The following VPS13D variants were observed in gnomAD, a reference collection of about 807,000 sequenced individuals.
VPS13D encodes intermembrane lipid transfer protein VPS13D.
Under a neutral mutation model 461.9 loss-of-function variants are expected in VPS13D, and 187 were observed. The ratio of observed to expected loss-of-function variants is 0.40; its 90% CI spans 0.36 to 0.46. The LOEUF (loss-of-function observed/expected upper bound fraction) is 0.46. Among genes scored for constraint, VPS13D ranks in the 20% least tolerant of loss-of-function variants. The pLI, the probability that VPS13D is intolerant of heterozygous loss-of-function variation, is 0.60. For missense variants in VPS13D, 4,711 were observed against 5,364.9 expected (o/e 0.88, Z 3.81); for synonymous variants, 1,951 against 1,986.3 (o/e 0.98, Z 0.47).
intron 67 of VPS13D, among the ~76,000 whole-genome samples, chr1:12,464,652 A>G (rs1342149463): frequency 6.6e-6 from 1 of 151,996 alleles, no homozygotes; most frequent in Non-Finnish European, 1.5e-5. Context: ...TCCAAGCGAC[A>G]GCCACCTAAC....
chr1:12,391,043 T>G (rs1199337084), intron 60 of VPS13D, among the ~76,000 whole-genome samples: 3 of 152,214 alleles, frequency 2.0e-5, no homozygotes, highest in Non-Finnish European at 4.4e-5. Context: ...TTCCCAAATT[T>G]CTTTGTCACC....
At chr1:12,266,747 T>C (rs1557673838) in intron 13 of VPS13D, 134 bp from the exon 14 acceptor site, 5 of 865,102 alleles carry the variant, frequency 5.8e-6, no homozygotes, top group Non-Finnish European at 8.1e-6. Context: ...TAGGGTTTTT[T>C]TGTTTGTTTG....
At chr1:12,358,717 G>A in intron 50 of VPS13D, 116 bp downstream of exon 50, 1 of 1,322,438 alleles carries the variant, frequency 7.6e-7, no homozygotes, top group Non-Finnish European at 1.0e-6. Flanking sequence ...TTTCTTATTT[G>A]GCATTGGGTC....
At chr1:12,346,798 T>A in intron 44 of VPS13D, 146 bp downstream of exon 44, 1 of 789,102 alleles carries the variant, frequency 1.3e-6, no homozygotes, top group Admixed American at 3.6e-5. Flanking sequence ...TATTAATGAT[T>A]ACCTTCCTTT....
chr1:12,414,760 C>G lies in VPS13D; in HGVS notation c.12031-327C>G, dbSNP rs561209295. 1.2e-4 allele frequency among the ~76,000 whole-genome samples: 19 copies of G among 152,284 alleles called. No homozygotes were observed. The East Asian group carries it at 3.7e-3, about 29-fold the overall frequency. ...TTGAACTATACATTTGATTAGTATA[C>G]TTTTCTGTGTGTGTGGTTTACATCA... On this transcript the variant is annotated intron_variant, in intron 63 of 69. Coordinates refer to ENST00000620676, the MANE Select transcript of VPS13D (RefSeq NM_015378.4).
intron 67 of VPS13D, chr1:12,496,988 T>G (rs1302993762): frequency 1.3e-5 from 2 of 152,436 alleles, no homozygotes; most frequent in Non-Finnish European, 2.9e-5. Context: ...TCTCAAGGGT[T>G]GGTGTGTTCT....
chr1:12,416,622 T>C (rs751136286), intron 64 of VPS13D, 38 bp from the exon 65 acceptor site: 3 of 1,596,864 alleles, frequency 1.9e-6, no homozygotes, highest in Non-Finnish European at 2.6e-6. Flanking sequence ...TATAAGTAGA[T>C]GCTGATTGGA....
At chr1:12,355,651 A>C (rs1032989823) in intron 47 of VPS13D, among the ~76,000 whole-genome samples, 8 of 152,062 alleles carry the variant, frequency 5.3e-5, no homozygotes, top group African/African-American at 1.9e-4. Flanking sequence ...TTTATATCTA[A>C]TCATATGGGT....
chr1:12,262,273 C>T (rs962019153), intron 13 of VPS13D, among the ~76,000 whole-genome samples, 193 bp downstream of exon 13: 1 of 152,200 alleles, frequency 6.6e-6, no homozygotes, highest in African/African-American at 2.4e-5. Flanking sequence ...CATTCATCAA[C>T]TGATCAGTAC....
intron 67 of VPS13D, among the ~76,000 whole-genome samples, chr1:12,475,448 A>G (rs1645618029): frequency 6.6e-6 from 1 of 152,240 alleles, no homozygotes; most frequent in African/African-American, 2.4e-5. Flanking sequence ...GAAGCTGGAT[A>G]TTAGAATGAA....
chr1:12,271,059 C>T lies in VPS13D; in HGVS notation c.2038C>T (p.Leu680=). The change falls in exon 17 of 70, where the codon CTG becomes TTG. Residue 680 remains leucine, a synonymous_variant. Transcript: ENST00000620676. ...AGCTGCCCGAAGACAATATAACAAG[C>T]TGAAGATGCAGACCAAGGCAGAAAT... The part of the protein sequence containing the change: ...AEAARRQYNK[L]KMQTKAEIRQ... 2 of 1,613,998 alleles carry T rather than the reference C, an allele frequency of 1.2e-6. No homozygotes were observed. The highest frequency in any genetic ancestry group is 1.7e-6 in the Non-Finnish European group (2 of 1,179,974).
At chr1:12,401,003 C>CACACACAA (rs1244161521) in intron 61 of VPS13D, among the ~76,000 whole-genome samples, 1 of 150,678 alleles carries the variant, frequency 6.6e-6, no homozygotes, top group East Asian at 1.9e-4. Context: ...CACACACACA[C>CACACACAA]AATAACCCTG....
chr1:12,239,572 G>C (rs1640277501), intron 2 of VPS13D, among the ~76,000 whole-genome samples: 1 of 152,246 alleles, frequency 6.6e-6, no homozygotes, highest in Non-Finnish European at 1.5e-5. Flanking sequence ...GAAGGTAGAG[G>C]CTGCCAGTGC....
At chr1:12,324,323 A>G (rs774341124) in intron 35 of VPS13D, among the ~76,000 whole-genome samples, 5 of 152,158 alleles carry the variant, frequency 3.3e-5, no homozygotes, top group African/African-American at 7.2e-5. Context: ...CCTGACCAAC[A>G]TGGCGAAACC....
chr1:12,241,437 G>A (rs1295208058), intron 2 of VPS13D, among the ~76,000 whole-genome samples: 2 of 152,208 alleles, frequency 1.3e-5, no homozygotes, highest in East Asian at 1.9e-4. Flanking sequence ...CTCAAAAATT[G>A]CCTTGTGTCT....
intron 19 of VPS13D, among the ~76,000 whole-genome samples, chr1:12,278,293 G>A (rs1161879645): frequency 1.1e-4 from 17 of 151,942 alleles, no homozygotes; most frequent in Non-Finnish European, 1.5e-5. Context: ...TTTTTGAGAC[G>A]GAGTTTTGCT....
At chr1:12,313,299 CTTTTTTTTT>C (rs765170972) in intron 29 of VPS13D, among the ~76,000 whole-genome samples, 7 of 117,604 alleles carry the variant, frequency 6.0e-5, no homozygotes, top group African/African-American at 2.4e-4. Flanking sequence ...TTATTCTTTC[CTTTTTTTTT>C]TTTTTTTTTT....
chr1:12,385,297 A>G lies in VPS13D; in HGVS notation c.11408A>G (p.Tyr3803Cys). 1.2e-6 allele frequency: 2 copies of G among 1,614,020 alleles called. No individual in the cohort carries two copies. Among genetic ancestry groups the G allele is most frequent in the Non-Finnish European group, 1.7e-6 (2 of 1,179,902 alleles). ...TGCCACCGGAAAAGCAGCCGTTCAT[A>G]TGAAGTGGATGAACTTCCTGTCACC... ...DFCHRKSSRSYEVDELPVTEQ... is the reference protein window; with the variant it reads ...DFCHRKSSRSCEVDELPVTEQ... The change falls in exon 59 of 70, where the codon TAT (tyrosine) becomes TGT (cysteine). Residue 3803 changes from tyrosine to cysteine, a missense_variant. Tyr to Cys is a radical substitution (Grantham distance 194). This residue lies in a region of VPS13D where 4,411 missense variants were observed against 4,937.8 expected (regional missense o/e 0.89). Transcript: ENST00000620676.
At chr1:12,382,593 A>G (rs1220638584) in intron 57 of VPS13D, among the ~76,000 whole-genome samples, 1 of 152,144 alleles carries the variant, frequency 6.6e-6, no homozygotes, top group African/African-American at 2.4e-5. Context: ...ATTATTTTCT[A>G]TTTTCAGAAT....
Sources: gnomAD v4.1 joint callset for allele counts (sites outside exome capture counted in the v4.1 genomes callset) on GRCh38, gnomAD v4.1.1 for gene constraint, gnomAD v4.1.1 regional missense constraint, MANE v1.5 for transcripts, NCBI Gene and HGNC (gene_info 2026-07-23, HGNC 2026-07-21) for gene names.